The following ZNF654 variants were observed in gnomAD, a reference collection of about 807,000 sequenced individuals.
The protein encoded by ZNF654 is zinc finger protein 654.
In ZNF654, 19 loss-of-function variants were observed where a neutral mutation model predicts 95.3. The ratio of observed to expected loss-of-function variants is 0.20; its 90% CI spans 0.14 to 0.29. The LOEUF (loss-of-function observed/expected upper bound fraction) is 0.29. Ranked by LOEUF, ZNF654 falls within the 10% of genes least tolerant of loss-of-function variation. ZNF654 has a pLI of 1.00. For missense variants in ZNF654, 1,046 were observed against 1,341.0 expected (o/e 0.78, Z 3.44); for synonymous variants, 413 against 457.9 (o/e 0.90, Z 1.25).
chr3:88,136,362 TA>T, intron 7 of ZNF654, among the ~76,000 whole-genome samples: 1 of 152,280 alleles, frequency 6.6e-6, no homozygotes, highest in South Asian at 2.1e-4. Context: ...AAATAAGAAT[TA>T]AAAATATGAT....
At chr3:88,131,895 A>G (rs1372928334) in intron 6 of ZNF654, among the ~76,000 whole-genome samples, 6 of 152,000 alleles carry the variant, frequency 3.9e-5, no homozygotes, top group African/African-American at 1.5e-4. Context: ...GGCCTAGCCT[A>G]TGAGTCAGCT....
intron 2 of ZNF654, among the ~76,000 whole-genome samples, chr3:88,091,249 GGA>G (rs1406913807): frequency 1.1e-4 from 16 of 152,072 alleles, no homozygotes; most frequent in Non-Finnish European, 1.5e-4. Context: ...CAGAAGTGTT[GGA>G]GAGAGGAGCA....
intron 2 of ZNF654, among the ~76,000 whole-genome samples, chr3:88,097,909 C>A (rs2107703953): frequency 6.6e-6 from 1 of 152,186 alleles, no homozygotes; most frequent in Admixed American, 6.5e-5. Flanking sequence ...ACCCTAATAT[C>A]ACAATTAAAA....
At chr3:88,119,463 G>A (rs139684420) in intron 3 of ZNF654, among the ~76,000 whole-genome samples, 1 of 147,736 alleles carries the variant, frequency 6.8e-6, no homozygotes, top group Non-Finnish European at 1.5e-5. Context: ...TAGTGGGTGT[G>A]CGCACCAGCA....
chr3:88,079,512 A>T (rs1156506690), intron 1 of ZNF654, among the ~76,000 whole-genome samples: 1 of 152,046 alleles, frequency 6.6e-6, no homozygotes, highest in East Asian at 1.9e-4. Flanking sequence ...TTTGTTTCAT[A>T]ATGAAGAATT....
intron 3 of ZNF654, among the ~76,000 whole-genome samples, chr3:88,116,540 A>G (rs1434615980): frequency 2.0e-5 from 2 of 101,040 alleles, no homozygotes; most frequent in Non-Finnish European, 4.2e-5. Flanking sequence ...AAAAAAAAAT[A>G]CATACATACA....
In ZNF654 at chr3:88,138,879, T is replaced by A; in HGVS notation, c.1210T>A (p.Ser404Thr). 2 of 1,232,140 alleles carry A rather than the reference T, an allele frequency of 1.6e-6. No homozygotes were observed. Among genetic ancestry groups the A allele is most frequent in the African/African-American group, 1.5e-5 (1 of 64,538 alleles). 76.3% of individuals were successfully genotyped at this position (1,232,140 alleles called of 1,614,324 possible). ...ACTCTCAATATTTTTTCTGGAGCGC[T>A]CCTTAGAAGCGTATCGTACTGTTGA... ...CALSIFFLER[S>T]LEAYRTVEEL... is the part of the protein sequence containing the mutation. Residue 404 changes from serine to threonine, a missense_variant, in exon 8 of 9, where the codon TCC becomes ACC. Physicochemically the swap from Ser to Thr is moderately conservative, Grantham distance 58. Around this residue, in one of 9 missense-constraint regions of ZNF654, gnomAD observed 78 missense variants for 154.2 expected, o/e 0.51. Transcript: ENST00000636215.
intron 2 of ZNF654, among the ~76,000 whole-genome samples, chr3:88,091,588 T>C (rs867853822): frequency 2.6e-5 from 4 of 152,224 alleles, no homozygotes; most frequent in South Asian, 2.1e-4. Context: ...CTAGCTGATA[T>C]GGTTTCACTG....
Position 88,083,941 on chromosome 3 carries a change from T to TTATATATATA in ZNF654, c.187-2299_187-2290dup, listed in dbSNP as rs78670676. The stretch of plus-strand genomic sequence containing the variant: ...AATAGGACAATGTAATGTACTTATT[T>TTATATATATA]TATATATATATATATATATATATAT... On this transcript the variant is annotated intron_variant, in intron 1 of 8. Transcript: ENST00000636215. Among the ~76,000 whole-genome samples, 642 of 147,728 alleles carry TTATATATATA rather than the reference T, an allele frequency of 4.3e-3. 4 individuals are homozygous for TTATATATATA. The highest frequency in any genetic ancestry group is 0.014 in the African/African-American group (554 of 40,076).
intron 3 of ZNF654, among the ~76,000 whole-genome samples, chr3:88,115,932 G>A (rs550354414): frequency 6.6e-6 from 1 of 152,298 alleles, no homozygotes; most frequent in African/African-American, 2.4e-5. Flanking sequence ...GCTCAGGGAT[G>A]AAGCCAGATT....
At position 88,092,433 on chromosome 3, in the gene ZNF654, G is replaced by A. The variant is rs149631743; in HGVS notation, c.332+6031G>A. 2.6e-3 allele frequency among the ~76,000 whole-genome samples: 391 copies of A among 152,168 alleles called. 1 individual carries two copies. The highest frequency in any genetic ancestry group is 8.3e-3 in the African/African-American group (345 of 41,532). On this transcript the variant is annotated intron_variant, in intron 2 of 8. Transcript: ENST00000636215. ...GAGAATTACAGAATGCAATGAGAGG[G>A]CATAACAGGGACTTGACCTGTCTTG... is the stretch of plus-strand genomic sequence containing the variant.
chr3:88,101,383 A>G (rs373927347), intron 2 of ZNF654, among the ~76,000 whole-genome samples: 1 of 152,164 alleles, frequency 6.6e-6, no homozygotes, highest in Admixed American at 6.6e-5. Flanking sequence ...AATATGTAGT[A>G]TTTTGGATAC....
At chr3:88,095,406 T>C in intron 2 of ZNF654, 1 of 340,318 alleles carries the variant, frequency 2.9e-6, no homozygotes, top group South Asian at 2.5e-5. Context: ...GATCACCCCC[T>C]TTTAGCCCTT....
chr3:88,110,319 G>GTCTGCC (rs1705011562), intron 2 of ZNF654, among the ~76,000 whole-genome samples: 1 of 152,090 alleles, frequency 6.6e-6, no homozygotes, highest in East Asian at 1.9e-4. Context: ...ATTATAGGCT[G>GTCTGCC]TCTGCCTATA....
chr3:88,131,177 A>T (rs936778008), intron 6 of ZNF654, among the ~76,000 whole-genome samples: 1 of 152,206 alleles, frequency 6.6e-6, no homozygotes, highest in African/African-American at 2.4e-5. Context: ...GCTGTAGGCA[A>T]TTATAACACA....
intron 2 of ZNF654, chr3:88,095,734 G>C (rs1021241910): frequency 4.6e-5 from 18 of 389,046 alleles, no homozygotes; most frequent in African/African-American, 3.5e-4. Flanking sequence ...TTCTCCCCAG[G>C]CTTGTTATTT....
intron 4 of ZNF654, among the ~76,000 whole-genome samples, chr3:88,127,489 G>A (rs1218769842): frequency 6.6e-6 from 1 of 151,926 alleles, no homozygotes; most frequent in Non-Finnish European, 1.5e-5. Context: ...TGAGGAGGAA[G>A]AGTTGGATTA....
chr3:88,139,638 C>T lies in ZNF654; in HGVS notation c.1969C>T (p.His657Tyr), dbSNP rs1706996631. ...AGGAAACAAAGAAGTCATCCCTGAGCATGTGGCTGAATTCATTGAAATTCC... is the reference window on the plus strand; with the variant it reads ...AGGAAACAAAGAAGTCATCCCTGAGTATGTGGCTGAATTCATTGAAATTCC... ...SEGNKEVIPE[H>Y]VAEFIEIPIS... The change falls in exon 8 of 9, where the codon CAT (histidine) becomes TAT (tyrosine). Residue 657 changes from histidine to tyrosine, a missense_variant. Coordinates refer to ENST00000636215, the MANE Select transcript of ZNF654 (RefSeq NM_001350134.2). The T allele has an allele frequency of 1.2e-6, 2 of 1,612,932 alleles. No individual in the cohort carries two copies. Among genetic ancestry groups the T allele is most frequent in the Admixed American group, 1.7e-5 (1 of 59,820 alleles).
chr3:88,128,789 C>T lies in ZNF654; in HGVS notation c.551-20C>T. 1 of 1,489,480 alleles carries T rather than the reference C, an allele frequency of 6.7e-7. No individual in the cohort carries two copies. The highest frequency in any genetic ancestry group is 2.5e-5 in the East Asian group (1 of 40,598). The allele number at this position is 1,489,480 out of a possible 1,614,324, so 92.3% of individuals were successfully genotyped here. On this transcript the variant is annotated intron_variant, in intron 4 of 8. Coordinates refer to ENST00000636215, the MANE Select transcript of ZNF654 (RefSeq NM_001350134.2). ...AATCTTTTCTTGAGAGTAATAGAGT[C>T]TGTTTTCTTTTTAATATAGTGAACA...
Sources: gnomAD v4.1 joint callset for allele counts (sites outside exome capture counted in the v4.1 genomes callset) on GRCh38, gnomAD v4.1.1 for gene constraint, gnomAD v4.1.1 regional missense constraint, MANE v1.5 for transcripts, NCBI Gene and HGNC (gene_info 2026-07-23, HGNC 2026-07-21) for gene names.